The following POPDC1 variants were observed in gnomAD, a reference collection of about 807,000 sequenced individuals.
POPDC1 encodes the protein popeye domain cAMP effector 1, also known as popeye domain-containing protein 1.
At chr6:105,127,823 C>A in the POPDC1 span, among the ~76,000 whole-genome samples, 1 of 151,832 alleles carries the variant, frequency 6.6e-6, no homozygotes, top group Non-Finnish European at 1.5e-5. Context: ...TACAGTGGCA[C>A]AATCTCGGCT....
At chr6:105,134,492 T>C in the POPDC1 span, among the ~76,000 whole-genome samples, 2 of 152,216 alleles carry the variant, frequency 1.3e-5, no homozygotes, top group Non-Finnish European at 2.9e-5. Context: ...ACAGATTATA[T>C]GAATTATTCT....
chr6:105,098,312 T>G, the POPDC1 span: 1 of 152,240 alleles, frequency 6.6e-6, no homozygotes, highest in Non-Finnish European at 1.5e-5. Flanking sequence ...CAAGTCTATA[T>G]GGGAGGCTTC....
the POPDC1 span, chr6:105,136,143 T>A: frequency 1.3e-5 from 2 of 152,258 alleles, no homozygotes; most frequent in Admixed American, 1.3e-4. Flanking sequence ...GTCGAGTTAA[T>A]TCATTCTGTA....
chr6:105,115,941 C>A, the POPDC1 span: 12 of 1,001,222 alleles, frequency 1.2e-5, no homozygotes, highest in African/African-American at 2.0e-4. Flanking sequence ...AAAAAGAATA[C>A]CTGATACATA....
the POPDC1 span, chr6:105,124,547 C>T: frequency 6.3e-7 from 1 of 1,582,858 alleles, no homozygotes; most frequent in Non-Finnish European, 8.7e-7. Flanking sequence ...GAAAACATAC[C>T]TGGAATTTTT....
chr6:105,120,295 A>AAAAAAAAC, the POPDC1 span, among the ~76,000 whole-genome samples: 1 of 1,164 alleles, frequency 8.6e-4, no homozygotes, highest in African/African-American at 1.1e-3. Context: ...AAAAAAAAAA[A>AAAAAAAAC]AAAAAAACAT....
the POPDC1 span, among the ~76,000 whole-genome samples, chr6:105,101,522 GA>G: frequency 1.3e-5 from 2 of 152,156 alleles, no homozygotes; most frequent in Non-Finnish European, 2.9e-5. Context: ...TTAGGACTCA[GA>G]ACGCATGTTC....
chr6:105,133,856 C>A, the POPDC1 span, among the ~76,000 whole-genome samples: 1 of 152,048 alleles, frequency 6.6e-6, no homozygotes, highest in Non-Finnish European at 1.5e-5. Context: ...CAAAACTATT[C>A]CCTCATAGGC....
At chr6:105,121,741 T>C in the POPDC1 span, among the ~76,000 whole-genome samples, 1 of 152,160 alleles carries the variant, frequency 6.6e-6, no homozygotes, top group South Asian at 2.1e-4. Flanking sequence ...TTACTACATA[T>C]TTACCTGAGC....
the POPDC1 span, chr6:105,100,868 T>C: frequency 5.2e-5 from 19 of 367,696 alleles, no homozygotes; most frequent in Non-Finnish European, 7.7e-5. Context: ...GAACAAGGCA[T>C]AGTCAGAAGG....
At chr6:105,109,104 C>A in the POPDC1 span, among the ~76,000 whole-genome samples, 3 of 152,100 alleles carry the variant, frequency 2.0e-5, no homozygotes, top group African/African-American at 7.2e-5. Context: ...CAGGCACAGG[C>A]AGGCCATCAT....
the POPDC1 span, chr6:105,115,705 G>GA: frequency 1.2e-6 from 2 of 1,614,004 alleles, no homozygotes; most frequent in African/African-American, 2.7e-5. Flanking sequence ...ACATGCTGGA[G>GA]GTACCCCGAA....
At chr6:105,125,248 T>G in the POPDC1 span, 2 of 929,570 alleles carry the variant, frequency 2.2e-6, no homozygotes, top group Admixed American at 2.2e-5. Context: ...AAAGTATAGT[T>G]GTAGCAAAAA....
chr6:105,116,845 G>A, the POPDC1 span: 2 of 1,612,066 alleles, frequency 1.2e-6, no homozygotes, highest in South Asian at 2.2e-5. Flanking sequence ...AAAATCTGCA[G>A]TTATCATCTG....
the POPDC1 span, chr6:105,116,642 A>G: frequency 6.7e-6 from 9 of 1,350,330 alleles, no homozygotes; most frequent in African/African-American, 1.2e-4. Context: ...ATATTTCATA[A>G]AGTGAAATAT....
the POPDC1 span, chr6:105,099,458 C>G: frequency 6.6e-6 from 1 of 152,310 alleles, no homozygotes; most frequent in East Asian, 1.9e-4. Context: ...TAACAGGAGA[C>G]TGACTCAAAG....
chr6:105,135,509 C>G, the POPDC1 span, among the ~76,000 whole-genome samples: 3 of 152,056 alleles, frequency 2.0e-5, no homozygotes, highest in Non-Finnish European at 4.4e-5. Context: ...TCGAGTTCAC[C>G]CAATTTCACC....
At chr6:105,127,103 G>C in the POPDC1 span, among the ~76,000 whole-genome samples, 1 of 152,156 alleles carries the variant, frequency 6.6e-6, no homozygotes, top group African/African-American at 2.4e-5. Flanking sequence ...ACTATACGAA[G>C]CCTATAGACC....
At chr6:105,105,245 C>G in the POPDC1 span, among the ~76,000 whole-genome samples, 2 of 152,198 alleles carry the variant, frequency 1.3e-5, no homozygotes, top group Admixed American at 6.5e-5. Flanking sequence ...TTGGTAGACA[C>G]ACTGGCAGAC....
Sources: gnomAD v4.1 joint callset for allele counts (sites outside exome capture counted in the v4.1 genomes callset) on GRCh38, gnomAD v4.1.1 for gene constraint, MANE v1.5 for transcripts, NCBI Gene and HGNC (gene_info 2026-07-23, HGNC 2026-07-21) for gene names.